GPR15LG: variants seen among roughly 807,000 people sequenced by gnomAD.
The protein encoded by GPR15LG is G protein-coupled receptor 15 ligand.
At chr10:84,180,810 T>A in the GPR15LG span, among the ~76,000 whole-genome samples, 1 of 152,180 alleles carries the variant, frequency 6.6e-6, no homozygotes, top group Admixed American at 6.5e-5. Context: ...GAGCACTGAG[T>A]GAACGAGACT....
chr10:84,184,527 A>G, the GPR15LG span, among the ~76,000 whole-genome samples: 3 of 152,246 alleles, frequency 2.0e-5, no homozygotes, highest in East Asian at 5.8e-4. Context: ...GCCTCCAGGG[A>G]AAAGCATAAG....
At chr10:84,180,576 G>A in the GPR15LG span, among the ~76,000 whole-genome samples, 2 of 152,134 alleles carry the variant, frequency 1.3e-5, no homozygotes, top group East Asian at 1.9e-4. Context: ...GATGACGGCC[G>A]GGAAGAGGCA....
chr10:84,183,054 A>G, the GPR15LG span, among the ~76,000 whole-genome samples: 2 of 152,048 alleles, frequency 1.3e-5, no homozygotes, highest in African/African-American at 4.8e-5. Flanking sequence ...ACACACCAAT[A>G]TTATCACTTA....
the GPR15LG span, among the ~76,000 whole-genome samples, chr10:84,181,067 G>A: frequency 6.6e-6 from 1 of 151,924 alleles, no homozygotes; most frequent in African/African-American, 2.4e-5. Context: ...GCATCAGAGG[G>A]AGACCGTGCA....
chr10:84,181,125 G>A, the GPR15LG span, among the ~76,000 whole-genome samples: 20 of 149,916 alleles, frequency 1.3e-4, no homozygotes, highest in Middle Eastern at 3.2e-3. Context: ...GAGGGAGACC[G>A]TGCAAAGAGG....
At chr10:84,175,482 A>G in the GPR15LG span, among the ~76,000 whole-genome samples, 3 of 152,246 alleles carry the variant, frequency 2.0e-5, no homozygotes, top group Non-Finnish European at 4.4e-5. Flanking sequence ...TTACATGCTT[A>G]GACATTTAGA....
the GPR15LG span, among the ~76,000 whole-genome samples, chr10:84,177,215 G>A: frequency 6.8e-4 from 104 of 152,364 alleles, 2 homozygotes; most frequent in Middle Eastern, 0.01. Context: ...GACACTGGGA[G>A]GCCTGTGGCG....
At chr10:84,177,782 C>A in the GPR15LG span, among the ~76,000 whole-genome samples, 1 of 151,968 alleles carries the variant, frequency 6.6e-6, no homozygotes, top group African/African-American at 2.4e-5. Context: ...CTCTGCTCCC[C>A]CAGGCCCCTG....
chr10:84,181,105 C>T, the GPR15LG span, among the ~76,000 whole-genome samples: 1 of 147,514 alleles, frequency 6.8e-6, no homozygotes, highest in Non-Finnish European at 1.5e-5. Flanking sequence ...GAGGCCTGGG[C>T]TCAGCATCAG....
At chr10:84,176,020 C>A in the GPR15LG span, among the ~76,000 whole-genome samples, 1 of 152,072 alleles carries the variant, frequency 6.6e-6, no homozygotes, top group African/African-American at 2.4e-5. Flanking sequence ...TCCTGAGTAG[C>A]TGGGATTACA....
At chr10:84,176,366 C>A in the GPR15LG span, 1 of 778,306 alleles carries the variant, frequency 1.3e-6, no homozygotes, top group Non-Finnish European at 2.3e-6. Flanking sequence ...CGTAGCCTGG[C>A]TCATCCTGAG....
the GPR15LG span, among the ~76,000 whole-genome samples, chr10:84,184,154 T>G: frequency 1.5e-5 from 2 of 137,532 alleles, no homozygotes; most frequent in Admixed American, 1.4e-4. Context: ...ACTCCCATCT[T>G]TCTTGAAAAA....
At chr10:84,181,123 CCGTG>C in the GPR15LG span, among the ~76,000 whole-genome samples, 2 of 147,372 alleles carry the variant, frequency 1.4e-5, no homozygotes, top group Admixed American at 1.3e-4. Flanking sequence ...CAGAGGGAGA[CCGTG>C]CAAAGAGGAG....
chr10:84,180,386 C>T, the GPR15LG span, among the ~76,000 whole-genome samples: 8 of 152,228 alleles, frequency 5.3e-5, no homozygotes, highest in Non-Finnish European at 8.8e-5. Context: ...TCTCAATGAG[C>T]TGTTGGGTAC....
chr10:84,184,843 C>A, the GPR15LG span: 4 of 1,586,632 alleles, frequency 2.5e-6, no homozygotes, highest in Non-Finnish European at 3.4e-6. Flanking sequence ...TCCTGTCTCC[C>A]CTTTCAGCCT....
the GPR15LG span, chr10:84,184,764 T>C: frequency 6.2e-7 from 1 of 1,613,742 alleles, no homozygotes; most frequent in Non-Finnish European, 8.5e-7. Flanking sequence ...CCCACAGGTG[T>C]AGCACTCCCA....
At chr10:84,176,724 C>A in the GPR15LG span, among the ~76,000 whole-genome samples, 6 of 152,160 alleles carry the variant, frequency 3.9e-5, no homozygotes, top group South Asian at 1.2e-3. Context: ...GACTCCCCCC[C>A]AAAAGTCAAC....
At chr10:84,184,742 G>A in the GPR15LG span, 4 of 1,613,740 alleles carry the variant, frequency 2.5e-6, no homozygotes, top group Admixed American at 5.0e-5. Flanking sequence ...TTTGGGTGGT[G>A]CCTGGGGCAC....
At chr10:84,176,974 G>GT in the GPR15LG span, among the ~76,000 whole-genome samples, 3 of 152,148 alleles carry the variant, frequency 2.0e-5, no homozygotes, top group African/African-American at 4.8e-5. Context: ...GATGGTAGCA[G>GT]GGCTTGAGAG....
Sources: gnomAD v4.1 joint callset for allele counts (sites outside exome capture counted in the v4.1 genomes callset) on GRCh38, gnomAD v4.1.1 for gene constraint, MANE v1.5 for transcripts, NCBI Gene and HGNC (gene_info 2026-07-23, HGNC 2026-07-21) for gene names.